RELN: variants seen among roughly 807,000 people sequenced by gnomAD.
The protein encoded by RELN is reelin.
Under a neutral mutation model 427.6 loss-of-function variants are expected in RELN, and 108 were observed. The observed-to-expected ratio is 0.25, with a 90% CI of 0.22 to 0.30. The LOEUF (loss-of-function observed/expected upper bound fraction) is 0.30, where lower values mean the gene tolerates loss of function less well. RELN is among the 10% of genes least tolerant of loss of function. The probability of loss-of-function intolerance (pLI) is 1.00; values close to 1 mark genes in which losing one functional copy is unlikely to be tolerated. For missense variants in RELN, 3,715 were observed against 4,302.8 expected (o/e 0.86, Z 3.82); for synonymous variants, 1,524 against 1,513.4 (o/e 1.01, Z -0.16).
intron 22 of RELN, among the ~76,000 whole-genome samples, chr7:103,608,803 C>T (rs1831877748): frequency 6.6e-6 from 1 of 152,126 alleles, no homozygotes; most frequent in African/African-American, 2.4e-5. Context: ...ATGTAGCACA[C>T]AATTTGAGTG....
chr7:103,577,252 C>T (rs1233062572), intron 28 of RELN, among the ~76,000 whole-genome samples: 2 of 152,160 alleles, frequency 1.3e-5, no homozygotes, highest in African/African-American at 4.8e-5. Context: ...TTCTTTTTGG[C>T]TCTTCAAGTG....
intron 10 of RELN, 62 bp downstream of exon 10, chr7:103,697,791 G>A (rs921108347): frequency 1.2e-6 from 2 of 1,610,708 alleles, no homozygotes; most frequent in African/African-American, 2.7e-5. Context: ...GGTTTATTGA[G>A]CTTCACTTTT....
chr7:103,579,808 A>G (rs1831089014), intron 28 of RELN, among the ~76,000 whole-genome samples: 1 of 152,052 alleles, frequency 6.6e-6, no homozygotes, highest in African/African-American at 2.4e-5. Context: ...CACACAATTC[A>G]ATGTGATGTT....
At chr7:103,582,343 T>C (rs1225515143) in intron 28 of RELN, among the ~76,000 whole-genome samples, 1 of 152,232 alleles carries the variant, frequency 6.6e-6, no homozygotes, top group Non-Finnish European at 1.5e-5. Flanking sequence ...CTAAAGCATA[T>C]GGCAAGTCAA....
At chr7:103,490,590 A>G in intron 59 of RELN, 78 bp downstream of exon 59, 2 of 1,444,878 alleles carry the variant, frequency 1.4e-6, no homozygotes, top group Non-Finnish European at 1.9e-6. Flanking sequence ...TCACACTGTC[A>G]GTTGTTTTCA....
Position 103,898,412 on chromosome 7 carries a change from A to G in RELN, c.337+18663T>C, listed in dbSNP as rs565547654. ...TCCTATCATAGTGTTTTGATGAACA[A>G]TGATATACAAACTGTTTGTATTTCC... is the stretch of plus-strand genomic sequence containing the variant. On this transcript the variant is annotated intron_variant, in intron 2 of 64. Coordinates refer to ENST00000428762, the MANE Select transcript of RELN (RefSeq NM_005045.4). Among the ~76,000 whole-genome samples, 6 of 152,192 alleles carry G rather than the reference A, an allele frequency of 3.9e-5. No individual in the cohort carries two copies. In the East Asian group the frequency reaches 1.2e-3, roughly 29 times the overall value.
chr7:103,936,225 T>C (rs760699144), intron 1 of RELN, among the ~76,000 whole-genome samples: 195 of 152,010 alleles, frequency 1.3e-3, no homozygotes, highest in Non-Finnish European at 2.1e-3. Flanking sequence ...CCCAAGTAGC[T>C]GGGATAATAG....
At chr7:103,768,948 C>A (rs1271696655) in intron 4 of RELN, among the ~76,000 whole-genome samples, 2 of 152,142 alleles carry the variant, frequency 1.3e-5, no homozygotes, top group Non-Finnish European at 2.9e-5. Flanking sequence ...TATCTCTTTA[C>A]AATACAAATA....
intron 1 of RELN, among the ~76,000 whole-genome samples, chr7:103,974,126 G>C (rs191772532): frequency 2.0e-5 from 3 of 152,164 alleles, no homozygotes; most frequent in Middle Eastern, 3.4e-3. Context: ...CTGGGCAAGA[G>C]AGCAAGACTC....
chr7:103,722,483 T>C (rs897006892), intron 8 of RELN, among the ~76,000 whole-genome samples: 2 of 152,240 alleles, frequency 1.3e-5, no homozygotes, highest in African/African-American at 4.8e-5. Flanking sequence ...CCTAGAACAT[T>C]TCCTCTGTAA....
chr7:103,718,187 T>C (rs2115882566), intron 8 of RELN, among the ~76,000 whole-genome samples: 1 of 152,232 alleles, frequency 6.6e-6, no homozygotes, highest in Non-Finnish European at 1.5e-5. Context: ...CTCTCATTCA[T>C]CTCTGAGACT....
intron 28 of RELN, 115 bp from the exon 29 acceptor site, chr7:103,575,820 G>A: frequency 1.7e-6 from 2 of 1,172,168 alleles, no homozygotes; most frequent in South Asian, 2.5e-5. Context: ...TGAAAGTCAT[G>A]TCTGCTTGAC....
intron 10 of RELN, among the ~76,000 whole-genome samples, 167 bp from the exon 11 acceptor site, chr7:103,682,428 A>G (rs546006917): frequency 6.6e-6 from 1 of 152,262 alleles, no homozygotes; most frequent in South Asian, 2.1e-4. Context: ...TGTTTAATTC[A>G]ATTACAATTT....
chr7:103,526,581 G>A (rs553198874), intron 46 of RELN, among the ~76,000 whole-genome samples: 2 of 152,076 alleles, frequency 1.3e-5, no homozygotes, highest in African/African-American at 4.8e-5. Context: ...ATATTAATTT[G>A]TAAGAAGAGG....
At chr7:103,803,439 A>T (rs1467575742) in intron 3 of RELN, among the ~76,000 whole-genome samples, 1 of 152,126 alleles carries the variant, frequency 6.6e-6, no homozygotes, top group African/African-American at 2.4e-5. Flanking sequence ...AAGAAGTCAG[A>T]GATTGGACAA....
intron 2 of RELN, among the ~76,000 whole-genome samples, chr7:103,907,948 C>G (rs1043163879): frequency 6.6e-6 from 1 of 152,036 alleles, no homozygotes; most frequent in Non-Finnish European, 1.5e-5. Context: ...TGTTCTCCCT[C>G]TCCTTGCCCC....
intron 3 of RELN, among the ~76,000 whole-genome samples, chr7:103,778,575 C>T (rs1791804509): frequency 6.6e-6 from 1 of 152,224 alleles, no homozygotes; most frequent in Non-Finnish European, 1.5e-5. Flanking sequence ...ACAGAGGTTT[C>T]ACCTTTTCTC....
rs542944836 is a variant in RELN at position 103,504,994 on chromosome 7, C to T, written c.8275-1764G>A. 3.3e-5 allele frequency among the ~76,000 whole-genome samples: 5 copies of T among 152,258 alleles called. No homozygotes were observed. In the East Asian group the frequency reaches 9.7e-4, roughly 29 times the overall value. ...GAAATGGGTGGAGCCCGCCTCAGCT[C>T]AGCAAGGCCAACTGCCACTCTAGAT... On this transcript the variant is annotated intron_variant, in intron 51 of 64. Coordinates refer to ENST00000428762, the MANE Select transcript of RELN (RefSeq NM_005045.4).
At chr7:103,941,283 T>C (rs1584387289) in intron 1 of RELN, among the ~76,000 whole-genome samples, 1 of 152,368 alleles carries the variant, frequency 6.6e-6, no homozygotes, top group East Asian at 1.9e-4. Flanking sequence ...TCCTCCTGTG[T>C]TTCCTTTAAG....
Sources: allele counts gnomAD v4.1 joint callset (sites outside exome capture counted in the v4.1 genomes callset), GRCh38; gene constraint gnomAD v4.1.1; transcripts MANE v1.5; gene names NCBI Gene and HGNC (gene_info 2026-07-23, HGNC 2026-07-21).